Variants in LARS1 observed in about 807,000 individuals in gnomAD.
The protein encoded by LARS1 is leucine--tRNA ligase, cytoplasmic.
In LARS1, 100 loss-of-function variants were observed where a neutral mutation model predicts 162.8. The ratio of observed to expected loss-of-function variants is 0.61; its 90% CI spans 0.52 to 0.73. The LOEUF (loss-of-function observed/expected upper bound fraction) is 0.73, where lower values mean the gene tolerates loss of function less well. Ranked by LOEUF, LARS1 falls within the 30% of genes least tolerant of loss-of-function variation. LARS1 has a pLI of 0.00. For synonymous variants in LARS1, 457 were observed against 462.8 expected, an observed-to-expected ratio of 0.99 and a Z score of 0.16; for missense variants, 1,258 against 1,408.9, an observed-to-expected ratio of 0.89 and a Z score of 1.71.
intron 24 of LARS1, chr5:146,130,800 C>A: frequency 2.6e-6 from 1 of 385,256 alleles, no homozygotes; most frequent in South Asian, 7.9e-5. Context: ...CATAGCTTAA[C>A]TAGGAGCAGA....
chr5:146,114,451 A>G, intron 31 of LARS1, 140 bp from the exon 32 acceptor site: 1 of 719,980 alleles, frequency 1.4e-6, no homozygotes, highest in Non-Finnish European at 2.3e-6. Context: ...AATAAAAGCC[A>G]CGCTGGGTGC....
At position 146,143,270 on chromosome 5, in the gene LARS1, T is replaced by C. The variant is rs1752872754; in HGVS notation, c.1877+142A>G. ...GACAGTAAGGGGCTATTTATTAATT[T>C]TTCCCAGTTCAATAGTAAAAAAGCA... On this transcript the variant is annotated intron_variant, in intron 19 of 31. Transcript: ENST00000394434. 1.2e-5 allele frequency: 13 copies of C among 1,085,362 alleles called. 1 individual carries two copies. The South Asian group carries it at 2.3e-4, about 19-fold the overall frequency. 67.2% of individuals were successfully genotyped at this position (1,085,362 alleles called of 1,614,324 possible).
chr5:146,178,271 T>C (rs1754686262), intron 1 of LARS1, among the ~76,000 whole-genome samples: 1 of 152,174 alleles, frequency 6.6e-6, no homozygotes, highest in Non-Finnish European at 1.5e-5. Flanking sequence ...TCAAAGATAC[T>C]GATAGAGAAC....
chr5:146,140,384 A>G (rs999877506), intron 20 of LARS1, 123 bp from the exon 21 acceptor site: 48 of 708,470 alleles, frequency 6.8e-5, no homozygotes, highest in Admixed American at 1.3e-4. Flanking sequence ...GCAAGGATAT[A>G]CACTATAGTC....
At chr5:146,137,858 G>A in intron 21 of LARS1, 1 of 234,740 alleles carries the variant, frequency 4.3e-6, no homozygotes, top group South Asian at 4.6e-5. Flanking sequence ...GGGCATGGTG[G>A]CTCACATCTG....
intron 20 of LARS1, among the ~76,000 whole-genome samples, chr5:146,140,695 G>C (rs529546022): frequency 5.3e-5 from 8 of 152,204 alleles, no homozygotes; most frequent in African/African-American, 1.7e-4. Context: ...GATCCCAGCT[G>C]CTGGGGAGGC....
At chr5:146,172,599 A>G (rs1754330232) in intron 3 of LARS1, 88 bp downstream of exon 3, 1 of 617,410 alleles carries the variant, frequency 1.6e-6, no homozygotes, top group Non-Finnish European at 2.7e-6. Flanking sequence ...TTAACAGGAA[A>G]TAATAAATTC....
chr5:146,123,914 T>C (rs1418337889), intron 29 of LARS1, 68 bp downstream of exon 29: 6 of 752,066 alleles, frequency 8.0e-6, no homozygotes, highest in Non-Finnish European at 1.3e-5. Context: ...AGGTTTATTA[T>C]AAAATAAAAG....
intron 2 of LARS1, among the ~76,000 whole-genome samples, chr5:146,175,140 G>C (rs553824942): frequency 6.6e-6 from 1 of 152,010 alleles, no homozygotes; most frequent in East Asian, 1.9e-4. Flanking sequence ...GATCACCTGA[G>C]CCCAGGAGAC....
chr5:146,144,814 A>C, intron 15 of LARS1, 105 bp from the exon 16 acceptor site: 1 of 956,976 alleles, frequency 1.0e-6, no homozygotes, highest in Non-Finnish European at 1.6e-6. Context: ...CAATAACTGA[A>C]AGCCCACATT....
chr5:146,157,482 T>C lies in LARS1; in HGVS notation c.986A>G (p.Lys329Arg), dbSNP rs1288841046. The C allele has an allele frequency of 6.2e-7, 1 of 1,614,212 alleles. No homozygotes were observed. Among genetic ancestry groups the C allele is most frequent in the East Asian group, 2.2e-5 (1 of 44,880 alleles). The change falls in exon 10 of 32, where the codon AAA becomes AGA. Residue 329 changes from lysine (K) to arginine (R), a missense_variant. By Grantham distance (26) the Lys-to-Arg change is conservative. Coordinates refer to ENST00000394434, the MANE Select transcript of LARS1 (RefSeq NM_020117.11). ...CTGGTATGACATATTCCTGGCTGCT[T>C]TTTGGGTACAGATGAATATATCACC... ...VNGDIFICTQ[K>R]AARNMSYQGF...
Position 146,157,439 on chromosome 5 carries a change from A to C in LARS1, c.1029T>G (p.Asn343Lys), listed in dbSNP as rs960643638. 2.5e-6 allele frequency: 4 copies of C among 1,614,080 alleles called. No individual in the cohort carries two copies. The highest frequency in any genetic ancestry group is 3.4e-6 in the Non-Finnish European group (4 of 1,180,044). Residue 343 changes from asparagine (N) to lysine (K), a missense_variant, in exon 10 of 32, where the codon AAT becomes AAG. Asn to Lys is a moderately conservative substitution (Grantham distance 94). Transcript: ENST00000394434. ...NMSYQGFTKDNGVVPVVKELM... is the reference protein window; with the variant it reads ...NMSYQGFTKDKGVVPVVKELM... ...ATTCCTTAACAACAGGCACCACGCC[A>C]TTGTCTTTGGTAAAGCCCTGGTATG... is the stretch of plus-strand genomic sequence containing the variant.
Position 146,113,816 on chromosome 5 carries a change from T to G in LARS1, c.*290A>C, listed in dbSNP as rs950947603. The G allele has an allele frequency of 5.5e-6, 2 of 365,732 alleles. No individual in the cohort carries two copies. Among genetic ancestry groups the G allele is most frequent in the East Asian group, 5.4e-5 (1 of 18,508 alleles). 22.7% of individuals were successfully genotyped at this position (365,732 alleles called of 1,614,324 possible). On this transcript the variant is annotated 3_prime_UTR_variant, in exon 32 of 32. Transcript: ENST00000394434. ...CATAAAAGAAGCATACTGACACTTTTATGTTCATCTTAAAAACCAGAAACT... is the reference window on the plus strand; with the variant it reads ...CATAAAAGAAGCATACTGACACTTTGATGTTCATCTTAAAAACCAGAAACT...
At chr5:146,154,419 C>T (rs542216627) in intron 10 of LARS1, among the ~76,000 whole-genome samples, 1 of 152,310 alleles carries the variant, frequency 6.6e-6, no homozygotes, top group South Asian at 2.1e-4. Context: ...TCAATTTAGC[C>T]ATTTCACAAT....
chr5:146,154,650 C>T (rs192279626), intron 10 of LARS1, among the ~76,000 whole-genome samples: 11 of 151,856 alleles, frequency 7.2e-5, no homozygotes, highest in African/African-American at 1.7e-4. Context: ...TGGTGGCATG[C>T]GCCTGTAGTC....
chr5:146,127,357 C>T (rs571204774), intron 27 of LARS1, among the ~76,000 whole-genome samples: 39 of 152,152 alleles, frequency 2.6e-4, no homozygotes, highest in Admixed American at 2.3e-3. Context: ...CCTTATGTCA[C>T]CAAAATGGTG....
At chr5:146,167,535 C>T (rs1012401393) in intron 5 of LARS1, among the ~76,000 whole-genome samples, 1 of 152,046 alleles carries the variant, frequency 6.6e-6, no homozygotes, top group Admixed American at 6.6e-5. Flanking sequence ...TCCCGAGTAG[C>T]TGGGAATACA....
chr5:146,175,722 G>A (rs62373812), intron 2 of LARS1, among the ~76,000 whole-genome samples: 33,656 of 151,546 alleles, frequency 0.22, 4,781 homozygotes, highest in Admixed American at 0.33. Context: ...CAGCTACTCA[G>A]GAGGCTGAAG....
At chr5:146,129,187 A>AT in intron 25 of LARS1, 69 bp from the exon 26 acceptor site, 1 of 1,342,234 alleles carries the variant, frequency 7.5e-7, no homozygotes, top group Non-Finnish European at 1.0e-6. Flanking sequence ...ACGGTTCTTG[A>AT]TTATAGTTTC....
Sources: allele counts gnomAD v4.1 joint callset (sites outside exome capture counted in the v4.1 genomes callset), GRCh38; gene constraint gnomAD v4.1.1; transcripts MANE v1.5; gene names NCBI Gene and HGNC (gene_info 2026-07-23, HGNC 2026-07-21).